Variants in SAMM50 observed in about 807,000 individuals in gnomAD.
The protein encoded by SAMM50 is SAMM50 sorting and assembly machinery component.
A neutral mutation model predicts 66.9 loss-of-function variants in SAMM50; 47 were observed. The ratio of observed to expected loss-of-function variants is 0.70; its 90% CI spans 0.56 to 0.90. The LOEUF (loss-of-function observed/expected upper bound fraction) is 0.90, where lower values mean the gene tolerates loss of function less well. Among genes scored for constraint, SAMM50 ranks in the 40% least tolerant of loss-of-function variants. The probability of loss-of-function intolerance (pLI) is 0.00; values close to 1 mark genes in which losing one functional copy is unlikely to be tolerated. For synonymous variants in SAMM50, 191 were observed against 214.1 expected (o/e 0.89, Z 0.94); for missense variants, 535 against 595.3 (o/e 0.90, Z 1.05).
chr22:43,974,610 C>T (rs1342808079), intron 7 of SAMM50: 2 of 152,250 alleles, frequency 1.3e-5, no homozygotes, highest in African/African-American at 4.8e-5. Context: ...TTCCTTTTCT[C>T]CAAATTTTCT....
At chr22:43,972,769 C>T (rs550272905) in intron 5 of SAMM50, 102 bp from the exon 6 acceptor site, 1 of 1,081,768 alleles carries the variant, frequency 9.2e-7, no homozygotes, top group African/African-American at 1.6e-5. Flanking sequence ...CATCTTCCTT[C>T]TGTTTTTATG....
intron 1 of SAMM50, among the ~76,000 whole-genome samples, chr22:43,959,541 C>CACACACACACAT (rs1360357622): frequency 6.6e-6 from 1 of 151,532 alleles, no homozygotes; most frequent in East Asian, 1.9e-4. Context: ...CACACACACA[C>CACACACACACAT]ACTTTTTAAT....
At chr22:43,981,280 C>T (rs979417039) in intron 10 of SAMM50, 111 bp from the exon 11 acceptor site, 53 of 834,606 alleles carry the variant, frequency 6.4e-5, no homozygotes, top group Middle Eastern at 2.2e-4. Flanking sequence ...CACCCCATCG[C>T]GGAGCTCTGC....
At chr22:43,986,672 CT>C (rs2050295804) in intron 12 of SAMM50, 1 of 152,044 alleles carries the variant, frequency 6.6e-6, no homozygotes, top group Non-Finnish European at 1.5e-5. Flanking sequence ...CTGCCTCAAC[CT>C]CCTGAATAGC....
rs750823619 is a variant in SAMM50 at position 43,990,411 on chromosome 22, G to A, written c.1364+5G>A. On this transcript the variant is annotated splice_donor_5th_base_variant and intron_variant, in intron 14 of 14. Coordinates refer to ENST00000350028, the MANE Select transcript of SAMM50 (RefSeq NM_015380.5). ...GGGAGTACAGACAGGCGACAGGTAC[G>A]TGTTGGGAATTATTTTCCACAATCA... The A allele has an allele frequency of 3.1e-6, 5 of 1,613,438 alleles. No individual in the cohort carries two copies. Among genetic ancestry groups the A allele is most frequent in the Admixed American group, 1.7e-5 (1 of 59,926 alleles).
rs547871101 is a variant in SAMM50 at position 43,996,446 on chromosome 22, C to G, written c.*63C>G. 2.0e-6 allele frequency: 3 copies of G among 1,490,888 alleles called. No homozygotes were observed. Among genetic ancestry groups the G allele is most frequent in the Non-Finnish European group, 2.8e-6 (3 of 1,067,838 alleles). 92.4% of individuals were successfully genotyped at this position (1,490,888 alleles called of 1,614,324 possible). On this transcript the variant is annotated 3_prime_UTR_variant, in exon 15 of 15. Transcript: ENST00000350028. ...GCAGCAAGGCGCCCATGCCACACAC[C>G]GTCTCTCGAGGAAACGCGGTTCAGC...
At chr22:43,957,184 A>G in intron 1 of SAMM50, 1 of 710,224 alleles carries the variant, frequency 1.4e-6, no homozygotes, top group Non-Finnish European at 2.6e-6. Flanking sequence ...AAAGAACAAC[A>G]TAGTGACTCC....
intron 1 of SAMM50, among the ~76,000 whole-genome samples, chr22:43,957,799 C>T (rs1311083316): frequency 6.6e-6 from 1 of 152,168 alleles, no homozygotes; most frequent in Non-Finnish European, 1.5e-5. Context: ...TTGCTCTGTG[C>T]CCAGGCTGGA....
In SAMM50 at chr22:43,966,961, C is replaced by G. The variant is rs55891919; in HGVS notation, c.235-1770C>G. On this transcript the variant is annotated intron_variant, in intron 3 of 14. Coordinates refer to ENST00000350028, the MANE Select transcript of SAMM50 (RefSeq NM_015380.5). ...GCTTTGTAGCCTCAGCTGAATGCAC[C>G]TGTCCTGCTTTGTTATTTGCCTTTG... 6.1e-3 allele frequency among the ~76,000 whole-genome samples: 928 copies of G among 152,268 alleles called. 11 individuals are homozygous for G. The highest frequency in any genetic ancestry group is 0.021 in the African/African-American group (886 of 41,562).
At chr22:43,964,363 A>G (rs1045899294) in intron 2 of SAMM50, 89 bp from the exon 3 acceptor site, 74 of 645,690 alleles carry the variant, frequency 1.1e-4, no homozygotes, top group Middle Eastern at 8.1e-4. Context: ...AAACCTTGAC[A>G]TTAATTAAAC....
chr22:43,973,142 G>A, intron 6 of SAMM50, 94 bp from the exon 7 acceptor site: 1 of 1,323,766 alleles, frequency 7.6e-7, no homozygotes, highest in East Asian at 2.4e-5. Flanking sequence ...TTGAAGATGA[G>A]CCCTACGGGC....
At position 43,964,550 on chromosome 22, in the gene SAMM50, T is replaced by A. The variant is rs2050163430; in HGVS notation, c.231T>A (p.Ile77=). 1 of 1,544,796 alleles carries A rather than the reference T, an allele frequency of 6.5e-7. No homozygotes were observed. Among genetic ancestry groups the A allele is most frequent in the African/African-American group, 1.4e-5 (1 of 73,584 alleles). ...IGDVFKAKNL[I]EVMRKSHEAR... ...ATGTTTTCAAGGCCAAAAACCTAAT[T>A]GAGGTAGGTGTGGTCTCTACATGGT... is the stretch of plus-strand genomic sequence containing the variant. Residue 77 remains isoleucine, a synonymous_variant, in exon 3 of 15, where the codon ATT becomes ATA. Transcript: ENST00000350028.
At chr22:43,990,192 G>A in intron 13 of SAMM50, 73 bp from the exon 14 acceptor site, 2 of 1,582,982 alleles carry the variant, frequency 1.3e-6, no homozygotes, top group Non-Finnish European at 1.7e-6. Context: ...GGGAGCCAGG[G>A]CTTGTCTGGG....
At chr22:43,960,754 T>TA (rs1370991785) in intron 1 of SAMM50, among the ~76,000 whole-genome samples, 4 of 151,852 alleles carry the variant, frequency 2.6e-5, no homozygotes, top group Non-Finnish European at 5.9e-5. Flanking sequence ...ACAGAAGGGG[T>TA]ACCTGTGAAG....
At chr22:43,990,547 C>A in intron 14 of SAMM50, 141 bp downstream of exon 14, 1 of 929,762 alleles carries the variant, frequency 1.1e-6, no homozygotes, top group Non-Finnish European at 1.6e-6. Context: ...AATGAAAACA[C>A]ATGTATTTTC....
chr22:43,976,634 G>T, intron 8 of SAMM50, 116 bp from the exon 9 acceptor site: 1 of 760,836 alleles, frequency 1.3e-6, no homozygotes, highest in Non-Finnish European at 2.3e-6. Flanking sequence ...CTGTGAACAC[G>T]AAATGACATG....
intron 12 of SAMM50, among the ~76,000 whole-genome samples, chr22:43,986,059 T>C (rs2050291134): frequency 1.8e-5 from 2 of 110,884 alleles, no homozygotes; most frequent in African/African-American, 4.5e-5. Flanking sequence ...TTTTTTTTTT[T>C]TGAGATGGAG....
At chr22:43,981,291 A>G in intron 10 of SAMM50, 100 bp from the exon 11 acceptor site, 1 of 921,004 alleles carries the variant, frequency 1.1e-6, no homozygotes, top group Non-Finnish European at 1.8e-6. Flanking sequence ...GGAGCTCTGC[A>G]CGCCACGGGC....
rs575590829 is a variant in SAMM50, at chr22:43,973,054, T to C, written c.560+53T>C. ...CACTGGCCTGATAGAAAAGTTAAAA[T>C]AGGTGGCTTATTTGTGAAAAGAACC... On this transcript the variant is annotated intron_variant, in intron 6 of 14. Transcript: ENST00000350028. 2.6e-6 allele frequency: 4 copies of C among 1,565,712 alleles called. No individual in the cohort carries two copies. In the South Asian group the frequency reaches 4.8e-5, roughly 19 times the overall value.
Sources: gnomAD v4.1 joint callset for allele counts (sites outside exome capture counted in the v4.1 genomes callset) on GRCh38, gnomAD v4.1.1 for gene constraint, MANE v1.5 for transcripts, NCBI Gene and HGNC (gene_info 2026-07-23, HGNC 2026-07-21) for gene names.